The following CACNB4 variants were observed in gnomAD, a reference collection of about 807,000 sequenced individuals.
The protein encoded by CACNB4 is calcium voltage-gated channel auxiliary subunit beta 4.
Under a neutral mutation model 71.2 loss-of-function variants are expected in CACNB4, and 32 were observed. That is an observed-to-expected ratio of 0.45 (90% confidence interval 0.34 to 0.60). CACNB4 has a LOEUF of 0.60. Ranked by LOEUF, CACNB4 falls within the 20% of genes least tolerant of loss-of-function variation. The probability of loss-of-function intolerance (pLI) is 0.01; values close to 1 mark genes in which losing one functional copy is unlikely to be tolerated. For missense variants in CACNB4, 464 were observed against 647.9 expected, an observed-to-expected ratio of 0.72 and a Z score of 3.08; for synonymous variants, 231 against 236.9, an observed-to-expected ratio of 0.97 and a Z score of 0.23.
At chr2:152,035,090 G>T (rs1038531925) in intron 2 of CACNB4, among the ~76,000 whole-genome samples, 1 of 152,130 alleles carries the variant, frequency 6.6e-6, no homozygotes, top group South Asian at 2.1e-4. Context: ...CCAAACCTCC[G>T]GGCAGGAGAA....
chr2:152,085,233 G>A (rs1453597652), intron 2 of CACNB4, among the ~76,000 whole-genome samples: 2 of 151,980 alleles, frequency 1.3e-5, no homozygotes, highest in Non-Finnish European at 2.9e-5. Context: ...GGGGAGGGAA[G>A]GGGAACACAC....
intron 2 of CACNB4, among the ~76,000 whole-genome samples, chr2:151,996,493 A>G (rs1409740678): frequency 6.6e-6 from 1 of 151,998 alleles, no homozygotes; most frequent in Non-Finnish European, 1.5e-5. Flanking sequence ...AAAAAAAAAA[A>G]AAAGAATAGA....
chr2:151,863,621 C>G (rs534783545), intron 9 of CACNB4, among the ~76,000 whole-genome samples: 1 of 152,104 alleles, frequency 6.6e-6, no homozygotes, highest in East Asian at 1.9e-4. Flanking sequence ...AAACAAGAGA[C>G]TCTTGGTTCT....
At chr2:152,063,293 A>G (rs2105340249) in intron 2 of CACNB4, among the ~76,000 whole-genome samples, 1 of 152,228 alleles carries the variant, frequency 6.6e-6, no homozygotes, top group Non-Finnish European at 1.5e-5. Context: ...ATTAAAGATA[A>G]CAGCCAACAC....
In CACNB4 at chr2:151,953,374, C is replaced by T. The variant is rs148808868; in HGVS notation, c.148-70004G>A. Among the ~76,000 whole-genome samples, 133 of 152,334 alleles carry T rather than the reference C, an allele frequency of 8.7e-4. No homozygotes were observed. The East Asian group carries it at 9.1e-3, about 10-fold the overall frequency. ...TGTTCTGTTTCCTCATTCAGCCTGC[C>T]ATGCTCTCCTTTCAAGCCCTCCAAC... On this transcript the variant is annotated intron_variant, in intron 2 of 13. Coordinates refer to ENST00000539935, the MANE Select transcript of CACNB4 (RefSeq NM_000726.5).
rs184730852 is a variant in CACNB4 at position 152,058,872 on chromosome 2, A to T, written c.147+39458T>A. Among the ~76,000 whole-genome samples, 382 of 152,356 alleles carry T rather than the reference A, an allele frequency of 2.5e-3. 1 individual carries two copies. The highest frequency in any genetic ancestry group is 8.8e-3 in the African/African-American group (366 of 41,582). ...AAAAATGGTTTCATGGGCTGTGCCC[A>T]GGATCCCCCCTGCTGTATGTAGCCT... On this transcript the variant is annotated intron_variant, in intron 2 of 13. Transcript: ENST00000539935.
chr2:151,997,250 G>A (rs1451074515), intron 2 of CACNB4, among the ~76,000 whole-genome samples: 2 of 152,086 alleles, frequency 1.3e-5, no homozygotes, highest in African/African-American at 4.8e-5. Context: ...AAGAGACAAA[G>A]GGGGCCAGGC....
chr2:151,868,039 A>G (rs1559894403), intron 9 of CACNB4: 1 of 152,240 alleles, frequency 6.6e-6, no homozygotes, highest in Non-Finnish European at 1.5e-5. Flanking sequence ...TCTGTTTACT[A>G]ACTTTCTATA....
intron 2 of CACNB4, among the ~76,000 whole-genome samples, chr2:151,958,142 A>C (rs1287843584): frequency 1.3e-5 from 2 of 152,248 alleles, no homozygotes; most frequent in South Asian, 4.1e-4. Flanking sequence ...ATGGCTAGAA[A>C]CTCATCTACC....
At chr2:151,847,488 T>C (rs1020313767) in intron 12 of CACNB4, among the ~76,000 whole-genome samples, 3 of 152,244 alleles carry the variant, frequency 2.0e-5, no homozygotes, top group South Asian at 4.1e-4. Context: ...AATGGTTCTT[T>C]CATATCAAAA....
At chr2:151,880,605 G>A in intron 4 of CACNB4, 195 bp downstream of exon 4, 1 of 606,538 alleles carries the variant, frequency 1.6e-6, no homozygotes, top group Non-Finnish European at 2.9e-6. Context: ...AATGTTGTCA[G>A]TGTGTGATAA....
intron 12 of CACNB4, among the ~76,000 whole-genome samples, chr2:151,844,781 C>T (rs1464156803): frequency 6.6e-6 from 1 of 152,210 alleles, no homozygotes; most frequent in Non-Finnish European, 1.5e-5. Context: ...GAACAAAGGA[C>T]CAGTCTTTCC....
chr2:151,895,464 C>G (rs2151488865), intron 2 of CACNB4, among the ~76,000 whole-genome samples: 1 of 151,578 alleles, frequency 6.6e-6, no homozygotes, highest in East Asian at 1.9e-4. Context: ...GTACAATAAT[C>G]TAGTATGTTA....
intron 9 of CACNB4, chr2:151,861,106 C>A: frequency 2.7e-6 from 1 of 374,060 alleles, no homozygotes; most frequent in South Asian, 4.1e-5. Context: ...ATAATATACA[C>A]CACACCAGGA....
intron 2 of CACNB4, chr2:151,936,337 A>G (rs2099862915): frequency 6.6e-6 from 1 of 152,242 alleles, no homozygotes; most frequent in South Asian, 2.1e-4. Context: ...GATCATGTTT[A>G]GTCTCCCAGG....
In CACNB4 at chr2:151,838,967, A is replaced by AT. The variant is rs79470866; in HGVS notation, c.*151dup. ...CATCTAGACTCAAGGGCATAATGTAATTTTTTTTTTTGCCCCTTACTTAGC... is the reference window on the plus strand; with the variant it reads ...CATCTAGACTCAAGGGCATAATGTAATTTTTTTTTTTTGCCCCTTACTTAGC... On this transcript the variant is annotated 3_prime_UTR_variant, in exon 14 of 14. Transcript: ENST00000539935. 0.025 allele frequency: 11,535 copies of AT among 460,250 alleles called. 5 individuals are homozygous for AT. Among genetic ancestry groups the AT allele is most frequent in the East Asian group, 0.046 (1,255 of 27,522 alleles). The allele number at this position is 460,250 out of a possible 1,614,324, so 28.5% of individuals were successfully genotyped here.
intron 2 of CACNB4, among the ~76,000 whole-genome samples, chr2:152,095,761 C>T (rs1688230597): frequency 1.3e-5 from 2 of 152,184 alleles, no homozygotes; most frequent in African/African-American, 4.8e-5. Flanking sequence ...AAAAAATTCT[C>T]CTGCCTCAGC....
At chr2:151,908,033 G>A (rs997056608) in intron 2 of CACNB4, among the ~76,000 whole-genome samples, 1 of 152,062 alleles carries the variant, frequency 6.6e-6, no homozygotes, top group African/African-American at 2.4e-5. Flanking sequence ...CTGAAGCCTA[G>A]CTTGCTGCCA....
At chr2:152,084,155 G>A (rs1023941425) in intron 2 of CACNB4, among the ~76,000 whole-genome samples, 4 of 152,138 alleles carry the variant, frequency 2.6e-5, no homozygotes, top group African/African-American at 4.8e-5. Flanking sequence ...CGGGGCAGAG[G>A]CTGAATGATG....
Sources: allele counts gnomAD v4.1 joint callset (sites outside exome capture counted in the v4.1 genomes callset), GRCh38; gene constraint gnomAD v4.1.1; transcripts MANE v1.5; gene names NCBI Gene and HGNC (gene_info 2026-07-23, HGNC 2026-07-21).